TENM3: variants seen among roughly 807,000 people sequenced by gnomAD.
The protein encoded by TENM3 is teneurin transmembrane protein 3, also known as teneurin-3.
TENM3 carries 63 observed loss-of-function variants against 255.1 expected under a neutral mutation model. The observed-to-expected ratio is 0.25, with a 90% CI of 0.20 to 0.30. The LOEUF is 0.30. Among genes scored for constraint, TENM3 ranks in the 10% least tolerant of loss-of-function variants. TENM3 has a pLI of 1.00. For missense variants in TENM3, 2,929 were observed against 3,461.1 expected, an observed-to-expected ratio of 0.85 and a Z score of 3.86; for synonymous variants, 1,306 against 1,322.3, an observed-to-expected ratio of 0.99 and a Z score of 0.27.
At chr4:182,291,675 A>G (rs144754319) in intron 1 of TENM3, among the ~76,000 whole-genome samples, 3,442 of 152,222 alleles carry the variant, frequency 0.023, 58 homozygotes, top group Non-Finnish European at 0.031. Flanking sequence ...CATCACAGAA[A>G]CGAAAGCCAG....
At chr4:182,589,742 G>T (rs1746416751) in intron 3 of TENM3, among the ~76,000 whole-genome samples, 1 of 152,144 alleles carries the variant, frequency 6.6e-6, no homozygotes, top group African/African-American at 2.4e-5. Flanking sequence ...GGAGGCCGAG[G>T]TGGGCAGATC....
At chr4:182,333,047 C>A (rs373919759) in intron 2 of TENM3, among the ~76,000 whole-genome samples, 9 of 152,088 alleles carry the variant, frequency 5.9e-5, no homozygotes, top group African/African-American at 2.2e-4. Context: ...TTATTTCAGA[C>A]AAGATGAGAA....
chr4:181,832,332 T>A, the TENM3 span, among the ~76,000 whole-genome samples: 8 of 152,324 alleles, frequency 5.3e-5, no homozygotes, highest in Admixed American at 2.0e-4. Context: ...CTTCAGCGTG[T>A]GTTAATAAGA....
intron 3 of TENM3, among the ~76,000 whole-genome samples, chr4:182,559,014 T>C (rs1433200217): frequency 2.0e-5 from 3 of 152,188 alleles, no homozygotes; most frequent in Admixed American, 6.5e-5. Flanking sequence ...CATCATAATT[T>C]TCCAGGGTGT....
chr4:182,571,812 C>T lies in TENM3; in HGVS notation c.512-29112C>T, dbSNP rs1306835891. 3.3e-5 allele frequency among the ~76,000 whole-genome samples: 5 copies of T among 152,194 alleles called. No individual in the cohort carries two copies. In the East Asian group the frequency reaches 9.6e-4, roughly 29 times the overall value. ...AATTAACATAGAAGACTGAAAGTTT[C>T]AAACAACGTGACATAATTATAAATT... On this transcript the variant is annotated intron_variant, in intron 3 of 27. Coordinates refer to ENST00000511685, the MANE Select transcript of TENM3 (RefSeq NM_001080477.4).
the TENM3 span, among the ~76,000 whole-genome samples, chr4:181,733,955 C>T: frequency 1.3e-5 from 2 of 152,084 alleles, no homozygotes; most frequent in Non-Finnish European, 1.5e-5. Context: ...TGGAACCTGC[C>T]GTTCTATTTT....
At chr4:181,777,762 A>G in the TENM3 span, among the ~76,000 whole-genome samples, 4 of 152,230 alleles carry the variant, frequency 2.6e-5, no homozygotes, top group East Asian at 5.8e-4. Context: ...TGTCACACTT[A>G]TGTCTATAAT....
chr4:182,020,495 G>C, the TENM3 span, among the ~76,000 whole-genome samples: 1 of 152,104 alleles, frequency 6.6e-6, no homozygotes, highest in Non-Finnish European at 1.5e-5. Flanking sequence ...AGCTCTGTAG[G>C]ATGACTGTAG....
chr4:181,559,195 CAT>C, the TENM3 span, among the ~76,000 whole-genome samples: 2 of 151,996 alleles, frequency 1.3e-5, no homozygotes, highest in Admixed American at 6.6e-5. Flanking sequence ...AAGGGAAAAA[CAT>C]AAGGATTTAA....
In TENM3 at chr4:182,463,701, G is replaced by A. The variant is rs970509075; in HGVS notation, c.511+116772G>A. Among the ~76,000 whole-genome samples the A allele has an allele frequency of 4.6e-5, 7 of 151,500 alleles. No individual in the cohort carries two copies. In the South Asian group the frequency reaches 1.3e-3, roughly 27 times the overall value. ...TGCAGTGGCGCAATCTCGGCTCACC[G>A]CAACCTCGGCCTCCTGGGTTCAAGT... On this transcript the variant is annotated intron_variant, in intron 3 of 27. Transcript: ENST00000511685.
chr4:182,055,982 G>A, the TENM3 span, among the ~76,000 whole-genome samples: 1 of 152,098 alleles, frequency 6.6e-6, no homozygotes, highest in African/African-American at 2.4e-5. Context: ...AAAAATCGTA[G>A]CACAAAAATT....
the TENM3 span, among the ~76,000 whole-genome samples, chr4:181,850,900 C>T: frequency 6.6e-6 from 1 of 152,140 alleles, no homozygotes; most frequent in East Asian, 1.9e-4. Flanking sequence ...CCATTCCACA[C>T]GTCCAAAACT....
the TENM3 span, among the ~76,000 whole-genome samples, chr4:181,478,508 G>A: frequency 0.012 from 1,805 of 152,276 alleles, 30 homozygotes; most frequent in African/African-American, 0.038. Context: ...CGTCCGTGCT[G>A]TCTGCTCACA....
At chr4:182,559,562 G>A (rs1486903992) in intron 3 of TENM3, among the ~76,000 whole-genome samples, 8 of 152,078 alleles carry the variant, frequency 5.3e-5, no homozygotes, top group Non-Finnish European at 7.4e-5. Flanking sequence ...CATGAGAGCT[G>A]AATTGAGAAG....
At chr4:182,015,149 G>A in the TENM3 span, among the ~76,000 whole-genome samples, 1 of 152,110 alleles carries the variant, frequency 6.6e-6, no homozygotes. Context: ...AGGGGTGTTC[G>A]CGGCCATCGT....
At chr4:181,745,512 AGAAG>A in the TENM3 span, among the ~76,000 whole-genome samples, 1 of 152,202 alleles carries the variant, frequency 6.6e-6, no homozygotes, top group Admixed American at 6.5e-5. Flanking sequence ...GATGCAAGAA[AGAAG>A]GAAGAACTGT....
the TENM3 span, among the ~76,000 whole-genome samples, chr4:181,473,879 GT>G: frequency 7.1e-6 from 1 of 139,944 alleles, no homozygotes; most frequent in Non-Finnish European, 1.5e-5. Flanking sequence ...AATATATACT[GT>G]ATATATAAAT....
At chr4:182,079,404 TA>T in the TENM3 span, among the ~76,000 whole-genome samples, 1 of 151,892 alleles carries the variant, frequency 6.6e-6, no homozygotes, top group Admixed American at 6.6e-5. Flanking sequence ...TAGTCCCAGC[TA>T]CTCAGGAGGC....
At chr4:181,631,685 C>T in the TENM3 span, among the ~76,000 whole-genome samples, 1 of 152,240 alleles carries the variant, frequency 6.6e-6, no homozygotes, top group Non-Finnish European at 1.5e-5. Context: ...ACTTGGTGAC[C>T]TTAAATGCAT....
Sources: allele counts gnomAD v4.1 joint callset (sites outside exome capture counted in the v4.1 genomes callset), GRCh38; gene constraint gnomAD v4.1.1; transcripts MANE v1.5; gene names NCBI Gene and HGNC (gene_info 2026-07-23, HGNC 2026-07-21).